Variants in ARHGAP19 observed in about 807,000 individuals in gnomAD.
The protein encoded by ARHGAP19 is rho GTPase-activating protein 19.
ARHGAP19 carries 48 observed loss-of-function variants against 60.9 expected under a neutral mutation model. That is an observed-to-expected ratio of 0.79 (90% CI 0.62 to 1.00). The LOEUF is 1.00. Among genes scored for constraint, ARHGAP19 ranks in the 50% least tolerant of loss-of-function variants. The pLI is 0.00. For missense variants in ARHGAP19, 562 were observed against 597.2 expected (o/e 0.94, Z 0.61); for synonymous variants, 209 against 215.5 (o/e 0.97, Z 0.27).
At chr10:97,261,683 T>C (rs1017223051) in intron 4 of ARHGAP19, among the ~76,000 whole-genome samples, 4 of 152,076 alleles carry the variant, frequency 2.6e-5, no homozygotes, top group African/African-American at 9.7e-5. Flanking sequence ...TCAACACTTG[T>C]TTCTTTAAGT....
intron 9 of ARHGAP19, among the ~76,000 whole-genome samples, chr10:97,233,931 TG>T (rs1397430597): frequency 1.0e-5 from 1 of 99,612 alleles, no homozygotes; most frequent in Non-Finnish European, 2.0e-5. Flanking sequence ...CAACACACAC[TG>T]GGGCCTGTTG....
intron 1 of ARHGAP19, among the ~76,000 whole-genome samples, chr10:97,286,876 T>C (rs1843163163): frequency 6.6e-6 from 1 of 152,230 alleles, no homozygotes; most frequent in Non-Finnish European, 1.5e-5. Context: ...TGCTTTCGCC[T>C]TTTCTCTTTG....
rs1187433439 is a variant in ARHGAP19 at position 97,282,442 on chromosome 10, TG to T, written c.56+10129del. Among the ~76,000 whole-genome samples, 12 of 152,360 alleles carry T rather than the reference TG, an allele frequency of 7.9e-5. 1 individual carries two copies. The highest frequency in any genetic ancestry group is 2.9e-4 in the African/African-American group (12 of 41,582). ...ATTAAACCATACTTGATTTATCCCC[TG>T]GACTTTTCAGTTTCTTGAGCCAATT... On this transcript the variant is annotated intron_variant, in intron 1 of 11. Coordinates refer to ENST00000358531, the MANE Select transcript of ARHGAP19 (RefSeq NM_032900.6).
intron 8 of ARHGAP19, among the ~76,000 whole-genome samples, chr10:97,241,837 G>A (rs936604108): frequency 2.6e-5 from 4 of 151,618 alleles, no homozygotes; most frequent in Admixed American, 6.6e-5. Context: ...GTGAAACCCC[G>A]TTTCTACTAA....
chr10:97,228,957 C>T (rs1182414717), intron 11 of ARHGAP19, 190 bp downstream of exon 11: 1 of 697,002 alleles, frequency 1.4e-6, no homozygotes, highest in African/African-American at 1.8e-5. Context: ...CCCTTAGCAC[C>T]CAAGACAATG....
At chr10:97,244,603 C>G (rs1842536654) in intron 7 of ARHGAP19, among the ~76,000 whole-genome samples, 1 of 152,162 alleles carries the variant, frequency 6.6e-6, no homozygotes, top group Non-Finnish European at 1.5e-5. Context: ...TGACTCTTGG[C>G]TAATACTCCT....
chr10:97,246,848 C>T (rs965733895), intron 6 of ARHGAP19, among the ~76,000 whole-genome samples: 1 of 151,400 alleles, frequency 6.6e-6, no homozygotes, highest in Non-Finnish European at 1.5e-5. Flanking sequence ...CAAAAAATTA[C>T]TAAAAAATGG....
At chr10:97,260,362 T>C (rs1842814466) in intron 4 of ARHGAP19, among the ~76,000 whole-genome samples, 1 of 150,956 alleles carries the variant, frequency 6.6e-6, no homozygotes, top group South Asian at 2.1e-4. Flanking sequence ...AACCTGTCTC[T>C]ACTAAAAATA....
chr10:97,292,315 C>T (rs1843247095), intron 1 of ARHGAP19, among the ~76,000 whole-genome samples: 2 of 152,246 alleles, frequency 1.3e-5, no homozygotes, highest in Admixed American at 1.3e-4. Context: ...AGCGCTGCCA[C>T]CCCCAGCTGG....
At chr10:97,274,185 G>C (rs1842995656) in intron 1 of ARHGAP19, among the ~76,000 whole-genome samples, 1 of 152,158 alleles carries the variant, frequency 6.6e-6, no homozygotes, top group Admixed American at 6.6e-5. Context: ...AGTTCCTGAG[G>C]CCGGGCGCGG....
chr10:97,291,823 G>A (rs1268639497), intron 1 of ARHGAP19, among the ~76,000 whole-genome samples: 1 of 151,762 alleles, frequency 6.6e-6, no homozygotes, highest in Admixed American at 6.6e-5. Flanking sequence ...AGACAACTTA[G>A]GTCTCAAGGC....
At chr10:97,226,266 G>T in intron 11 of ARHGAP19, 134 bp from the exon 12 acceptor site, 1 of 831,256 alleles carries the variant, frequency 1.2e-6, no homozygotes, top group Non-Finnish European at 1.9e-6. Context: ...AATTAAGAAT[G>T]TGTGACTCTA....
intron 9 of ARHGAP19, among the ~76,000 whole-genome samples, chr10:97,233,065 C>T (rs1283421839): frequency 6.6e-6 from 1 of 152,070 alleles, no homozygotes; most frequent in Non-Finnish European, 1.5e-5. Flanking sequence ...GGAAGAATCA[C>T]TTGAACCCTG....
chr10:97,263,316 T>C (rs1165516773), intron 4 of ARHGAP19, 104 bp downstream of exon 4: 2 of 1,169,624 alleles, frequency 1.7e-6, no homozygotes, highest in Non-Finnish European at 2.5e-6. Flanking sequence ...TTAACCAATA[T>C]TAATAGAAGT....
chr10:97,239,223 G>A (rs932963892), intron 8 of ARHGAP19, among the ~76,000 whole-genome samples: 5 of 152,272 alleles, frequency 3.3e-5, no homozygotes, highest in East Asian at 3.9e-4. Context: ...GGCCGGGAGC[G>A]GTGGCTCACG....
At chr10:97,282,832 CTTTT>C (rs1369422509) in intron 1 of ARHGAP19, among the ~76,000 whole-genome samples, 2 of 124,452 alleles carry the variant, frequency 1.6e-5, no homozygotes, top group Non-Finnish European at 3.2e-5. Flanking sequence ...TATGTAGTTT[CTTTT>C]TTCTTTTTTT....
intron 1 of ARHGAP19, among the ~76,000 whole-genome samples, chr10:97,290,648 G>GGT (rs1227038537): frequency 6.6e-6 from 1 of 152,034 alleles, no homozygotes; most frequent in Non-Finnish European, 1.5e-5. Flanking sequence ...GTAACATTTT[G>GGT]GTGACCACGA....
In ARHGAP19 at chr10:97,264,865, T is replaced by C. The variant is rs1842877915; in HGVS notation, c.364A>G (p.Ile122Val). The change falls in exon 3 of 12, where the codon ATT becomes GTT. Residue 122 changes from isoleucine to valine, a missense_variant. Physicochemically the swap from Ile to Val is conservative, Grantham distance 29. Coordinates refer to ENST00000358531, the MANE Select transcript of ARHGAP19 (RefSeq NM_032900.6). The stretch of plus-strand genomic sequence containing the variant: ...TCAATCAGTTGGTATATCTGGGCAA[T>C]GCCTTCCTCCGTCAGTGGGGACCCA... ...IFGSPLTEEG[I>V]AQIYQLIEYL... 1 of 1,613,782 alleles carries C rather than the reference T, an allele frequency of 6.2e-7. No individual in the cohort carries two copies.
Position 97,248,187 on chromosome 10 carries a change from G to A in ARHGAP19, c.928-1850C>T, listed in dbSNP as rs114669134. Among the ~76,000 whole-genome samples the A allele has an allele frequency of 4.9e-3, 742 of 152,088 alleles. 5 individuals are homozygous for A. The highest frequency in any genetic ancestry group is 0.015 in the African/African-American group (641 of 41,518). ...ACCCCGCCTTTGGGAGGCCAAAGCG[G>A]GTAGATCACTTGAGCCCAGGAGTTT... is the stretch of plus-strand genomic sequence containing the variant. On this transcript the variant is annotated intron_variant, in intron 6 of 11. Coordinates refer to ENST00000358531, the MANE Select transcript of ARHGAP19 (RefSeq NM_032900.6).
Sources: gnomAD v4.1 joint callset for allele counts (sites outside exome capture counted in the v4.1 genomes callset) on GRCh38, gnomAD v4.1.1 for gene constraint, MANE v1.5 for transcripts, NCBI Gene and HGNC (gene_info 2026-07-23, HGNC 2026-07-21) for gene names.